The following SPOCK1 variants were observed in gnomAD, a reference collection of about 807,000 sequenced individuals.
The protein encoded by SPOCK1 is testican-1.
A neutral mutation model predicts 55.3 loss-of-function variants in SPOCK1; 23 were observed. That is an observed-to-expected ratio of 0.42 (90% CI 0.30 to 0.59). SPOCK1 has a LOEUF of 0.59. Among genes scored for constraint, SPOCK1 ranks in the 20% least tolerant of loss-of-function variants. SPOCK1 has a pLI of 0.22. For missense variants in SPOCK1, 499 were observed against 552.5 expected, an observed-to-expected ratio of 0.90 and a Z score of 0.97; for synonymous variants, 226 against 221.0, an observed-to-expected ratio of 1.02 and a Z score of -0.20.
In SPOCK1 at chr5:137,222,690, A is replaced by G. The variant is rs1325034383; in HGVS notation, c.232+44320T>C. Among the ~76,000 whole-genome samples the G allele has an allele frequency of 2.0e-5, 3 of 152,354 alleles. No individual in the cohort carries two copies. The East Asian group carries it at 5.8e-4, about 29-fold the overall frequency. ...TTTATGTGTGGGTTTAATCACTTTC[A>G]TGAAGACAGACATCCTAGGTAAGTC... On this transcript the variant is annotated intron_variant, in intron 3 of 10. Coordinates refer to ENST00000394945, the MANE Select transcript of SPOCK1 (RefSeq NM_004598.4).
intron 2 of SPOCK1, among the ~76,000 whole-genome samples, chr5:137,368,823 G>A (rs1437248813): frequency 6.6e-6 from 1 of 152,158 alleles, no homozygotes; most frequent in Non-Finnish European, 1.5e-5. Flanking sequence ...AGGAACATGT[G>A]GTCCGCTCCC....
chr5:137,059,109 C>A (rs1369994600), intron 6 of SPOCK1, among the ~76,000 whole-genome samples: 3 of 91,362 alleles, frequency 3.3e-5, no homozygotes, highest in African/African-American at 7.1e-5. Flanking sequence ...AATTAGGAAG[C>A]TATTATAATA....
chr5:137,252,402 A>T (rs114647932), intron 3 of SPOCK1, among the ~76,000 whole-genome samples: 1 of 152,244 alleles, frequency 6.6e-6, no homozygotes, highest in East Asian at 1.9e-4. Flanking sequence ...AAAAACGTGG[A>T]TGGCAGTCAT....
At chr5:137,142,342 A>G (rs914835617) in intron 3 of SPOCK1, among the ~76,000 whole-genome samples, 4 of 152,182 alleles carry the variant, frequency 2.6e-5, no homozygotes, top group African/African-American at 7.2e-5. Flanking sequence ...GAATCTGCAC[A>G]CTACTTTCTT....
chr5:137,233,557 C>T (rs908096455), intron 3 of SPOCK1, among the ~76,000 whole-genome samples: 1 of 152,090 alleles, frequency 6.6e-6, no homozygotes, highest in Non-Finnish European at 1.5e-5. Flanking sequence ...CTGTTCCTAA[C>T]AGGCCATGGA....
At chr5:137,459,896 C>T (rs1457688920) in intron 2 of SPOCK1, among the ~76,000 whole-genome samples, 1 of 152,048 alleles carries the variant, frequency 6.6e-6, no homozygotes, top group African/African-American at 2.4e-5. Flanking sequence ...TGAAGGTGTT[C>T]CTGGAGTGCT....
chr5:137,155,082 T>C lies in SPOCK1; in HGVS notation c.233-14388A>G, dbSNP rs559057047. On this transcript the variant is annotated intron_variant, in intron 3 of 10. Transcript: ENST00000394945. ...TGGTCAGGAGGACTGGGTGAGACAA[T>C]GTGTCAAATGCTTAACATTGATCTT... 6.6e-5 allele frequency among the ~76,000 whole-genome samples: 10 copies of C among 152,268 alleles called. 1 individual carries two copies. In the South Asian group the frequency reaches 2.1e-3, roughly 32 times the overall value.
At chr5:137,154,341 G>A (rs984075909) in intron 3 of SPOCK1, among the ~76,000 whole-genome samples, 1 of 152,184 alleles carries the variant, frequency 6.6e-6, no homozygotes, top group African/African-American at 2.4e-5. Flanking sequence ...TCTAGATTAA[G>A]TGGTCAGGGA....
intron 3 of SPOCK1, among the ~76,000 whole-genome samples, chr5:137,231,255 G>A (rs1265181820): frequency 2.0e-5 from 3 of 152,142 alleles, no homozygotes; most frequent in African/African-American, 7.2e-5. Context: ...ATGTTGGCCA[G>A]GCTGGTCTCG....
intron 3 of SPOCK1, among the ~76,000 whole-genome samples, chr5:137,163,230 T>C (rs1754591340): frequency 6.6e-6 from 1 of 152,210 alleles, no homozygotes; most frequent in Admixed American, 6.5e-5. Flanking sequence ...CTGGTTTTGG[T>C]GCTGGAAATA....
chr5:137,391,873 G>T (rs1650580062), intron 2 of SPOCK1, among the ~76,000 whole-genome samples: 1 of 152,084 alleles, frequency 6.6e-6, no homozygotes, highest in South Asian at 2.1e-4. Flanking sequence ...GGGCTTGGCT[G>T]CCAATCTCCC....
At chr5:137,479,314 G>A (rs911297154) in intron 2 of SPOCK1, among the ~76,000 whole-genome samples, 2 of 152,200 alleles carry the variant, frequency 1.3e-5, no homozygotes, top group African/African-American at 2.4e-5. Flanking sequence ...AGGAATGAGA[G>A]TTTAGGGAGC....
chr5:137,354,209 C>G (rs896760460), intron 2 of SPOCK1, among the ~76,000 whole-genome samples: 6 of 152,208 alleles, frequency 3.9e-5, no homozygotes, highest in African/African-American at 1.4e-4. Flanking sequence ...ACACTAAGCA[C>G]CAATCGCTGC....
At chr5:137,256,783 T>C (rs763166637) in intron 3 of SPOCK1, among the ~76,000 whole-genome samples, 3 of 151,782 alleles carry the variant, frequency 2.0e-5, no homozygotes, top group Non-Finnish European at 2.9e-5. Flanking sequence ...CTGCACCAAG[T>C]CAGAGGGACC....
In SPOCK1 at chr5:137,128,653, C is replaced by T. The variant is rs1232345512; in HGVS notation, c.347+11927G>A. On this transcript the variant is annotated intron_variant, in intron 4 of 10. Coordinates refer to ENST00000394945, the MANE Select transcript of SPOCK1 (RefSeq NM_004598.4). ...GTTTGGGGCAGCACTGCCCTGGTCCCCCAGCTGTGCCATTTAACAGGTGTC... is the reference window on the plus strand; with the variant it reads ...GTTTGGGGCAGCACTGCCCTGGTCCTCCAGCTGTGCCATTTAACAGGTGTC... 2.0e-5 allele frequency among the ~76,000 whole-genome samples: 3 copies of T among 152,316 alleles called. No homozygotes were observed. The East Asian group carries it at 5.8e-4, about 29-fold the overall frequency.
At chr5:137,315,645 C>T (rs1399579572) in intron 2 of SPOCK1, among the ~76,000 whole-genome samples, 1 of 152,192 alleles carries the variant, frequency 6.6e-6, no homozygotes, top group Non-Finnish European at 1.5e-5. Context: ...GAGGTCATTT[C>T]ATGATCATTA....
At position 137,081,438 on chromosome 5, in the gene SPOCK1, T is replaced by C. The variant is rs185409153; in HGVS notation, c.475-13609A>G. Among the ~76,000 whole-genome samples, 450 of 152,332 alleles carry C rather than the reference T, an allele frequency of 3.0e-3. 5 individuals carry two copies. The highest frequency in any genetic ancestry group is 0.01 in the African/African-American group (417 of 41,584). On this transcript the variant is annotated intron_variant, in intron 5 of 10. Transcript: ENST00000394945. ...ACCAATTTCTGTCCAAAGCTGACACTGTCCAAGGTCAAAAAAAGCCATTAA... is the reference window on the plus strand; with the variant it reads ...ACCAATTTCTGTCCAAAGCTGACACCGTCCAAGGTCAAAAAAAGCCATTAA...
intron 3 of SPOCK1, among the ~76,000 whole-genome samples, chr5:137,143,252 G>T (rs972370078): frequency 4.6e-5 from 7 of 152,230 alleles, no homozygotes; most frequent in Admixed American, 3.3e-4. Flanking sequence ...GGCCTAGGGT[G>T]ATGGGTGTCA....
At chr5:137,306,870 A>G (rs901579272) in intron 2 of SPOCK1, among the ~76,000 whole-genome samples, 1 of 152,246 alleles carries the variant, frequency 6.6e-6, no homozygotes, top group Non-Finnish European at 1.5e-5. Context: ...CCACTATGTC[A>G]TACAAGCTTT....
Sources: allele counts gnomAD v4.1 joint callset (sites outside exome capture counted in the v4.1 genomes callset), GRCh38; gene constraint gnomAD v4.1.1; transcripts MANE v1.5; gene names NCBI Gene and HGNC (gene_info 2026-07-23, HGNC 2026-07-21).